BMP7: variants seen among roughly 807,000 people sequenced by gnomAD.
BMP7 encodes the protein osteogenic protein 1.
Under a neutral mutation model 41.2 loss-of-function variants are expected in BMP7, and 12 were observed. The observed-to-expected ratio is 0.29, with a 90% CI of 0.19 to 0.47. The LOEUF is 0.47. BMP7 is among the 20% of genes least tolerant of loss of function. BMP7 has a pLI of 0.99. For synonymous variants in BMP7, 248 were observed against 250.0 expected (o/e 0.99, Z 0.07); for missense variants, 467 against 606.0 (o/e 0.77, Z 2.41).
Position 57,174,782 on chromosome 20 carries a change from T to A in BMP7, c.1035+149A>T, listed in dbSNP as rs1983885496. The A allele has an allele frequency of 7.0e-6, 6 of 861,874 alleles. 1 individual carries two copies. In the South Asian group the frequency reaches 7.2e-5, roughly 10 times the overall value. The allele number at this position is 861,874 out of a possible 1,614,324, so 53.4% of individuals were successfully genotyped here. A position where few individuals can be genotyped will look rare whatever the true frequency, so the allele number is the denominator to read the frequency against. On this transcript the variant is annotated intron_variant, in intron 5 of 6. Coordinates refer to ENST00000395863, the MANE Select transcript of BMP7 (RefSeq NM_001719.3). The surrounding 1 kb of genome is among the most constrained non-coding windows in gnomAD (Gnocchi z 4.3). Reference sequence around the variant, plus strand: ...GATTTCATGAGGCCTCCCTGTATCCTTAGCCCAAGTCCCCTTCCCTAGCGA... The same window carrying A: ...GATTTCATGAGGCCTCCCTGTATCCATAGCCCAAGTCCCCTTCCCTAGCGA...
chr20:57,177,735 G>A (rs1343129999), intron 4 of BMP7: 2 of 152,348 alleles, frequency 1.3e-5, no homozygotes, highest in South Asian at 2.1e-4. Flanking sequence ...CGAATCACAT[G>A]TGTGATTCCT....
intron 1 of BMP7, among the ~76,000 whole-genome samples, chr20:57,237,995 T>C (rs750168024): frequency 1.3e-5 from 2 of 152,222 alleles, no homozygotes; most frequent in African/African-American, 2.4e-5. Flanking sequence ...CTAACCACTT[T>C]TACGTGTACA....
intron 4 of BMP7, among the ~76,000 whole-genome samples, chr20:57,183,332 G>A (rs966402542): frequency 3.9e-5 from 6 of 151,994 alleles, no homozygotes; most frequent in Non-Finnish European, 8.8e-5. Flanking sequence ...ATGAAATAAA[G>A]ATACAGCAAA....
intron 2 of BMP7, among the ~76,000 whole-genome samples, chr20:57,208,866 G>T (rs1036421576): frequency 7.9e-5 from 12 of 152,162 alleles, no homozygotes; most frequent in African/African-American, 2.9e-4. Context: ...TCTATGAAAT[G>T]TCCCAAATAG....
chr20:57,263,839 C>G (rs572241368), intron 1 of BMP7, among the ~76,000 whole-genome samples: 5 of 152,204 alleles, frequency 3.3e-5, no homozygotes, highest in African/African-American at 1.2e-4. Flanking sequence ...GAAGTGCAGA[C>G]GACGAAAAAT....
At chr20:57,257,813 A>G (rs1600647049) in intron 1 of BMP7, among the ~76,000 whole-genome samples, 1 of 143,952 alleles carries the variant, frequency 6.9e-6, no homozygotes. Context: ...GAAGGCCAAA[A>G]CACAAGCCAC....
chr20:57,242,394 C>A (rs1313799585), intron 1 of BMP7, among the ~76,000 whole-genome samples: 1 of 152,202 alleles, frequency 6.6e-6, no homozygotes, highest in African/African-American at 2.4e-5. Flanking sequence ...TGGGGTTTGG[C>A]CTCATCTGAG....
In BMP7 at chr20:57,245,245, G is replaced by A. The variant is rs529823897; in HGVS notation, c.419-16824C>T. The stretch of plus-strand genomic sequence containing the variant: ...TCAAACTTAAATCCCTAAGCTAAAC[G>A]ATCAAAACACCCTTCAAATTGCATG... On this transcript the variant is annotated intron_variant, in intron 1 of 6. Transcript: ENST00000395863. 3.7e-3 allele frequency among the ~76,000 whole-genome samples: 566 copies of A among 152,224 alleles called. 1 individual carries two copies. The highest frequency in any genetic ancestry group is 6.8e-3 in the Middle Eastern group (2 of 294).
intron 3 of BMP7, among the ~76,000 whole-genome samples, chr20:57,194,423 A>G (rs1984445624): frequency 6.6e-6 from 1 of 152,176 alleles, no homozygotes; most frequent in African/African-American, 2.4e-5. Flanking sequence ...CACACTAAAC[A>G]GCAGGCAAAA....
intron 4 of BMP7, among the ~76,000 whole-genome samples, chr20:57,176,761 C>CACACACAA (rs1306276999): frequency 2.3e-5 from 3 of 132,852 alleles, no homozygotes; most frequent in African/African-American, 7.8e-5. Flanking sequence ...CACACACACA[C>CACACACAA]ACACACACAC....
intron 2 of BMP7, among the ~76,000 whole-genome samples, chr20:57,211,338 C>T (rs932566511): frequency 9.9e-5 from 15 of 152,198 alleles, no homozygotes; most frequent in Non-Finnish European, 1.2e-4. Context: ...AGAGGTTACT[C>T]GAAGCACAGA....
rs57893562 is a variant in BMP7 at position 57,221,811 on chromosome 20, C to CA, written c.611+6417dup. Among the ~76,000 whole-genome samples, 518 of 127,336 alleles carry CA rather than the reference C, an allele frequency of 4.1e-3. 4 individuals are homozygous for CA. Among genetic ancestry groups the CA allele is most frequent in the Middle Eastern group, 0.02 (5 of 246 alleles). The allele number at this position is 127,336 out of a possible 152,430, so 83.5% of individuals were successfully genotyped here. ...AGCAACAGAGCAAGACCCTATCTCT[C>CA]AAAAAAAAAAAAAAAAAAAAAAAGA... On this transcript the variant is annotated intron_variant, in intron 2 of 6. Coordinates refer to ENST00000395863, the MANE Select transcript of BMP7 (RefSeq NM_001719.3).
chr20:57,222,817 G>C (rs938086690), intron 2 of BMP7, among the ~76,000 whole-genome samples: 14 of 131,594 alleles, frequency 1.1e-4, no homozygotes, highest in Admixed American at 1.0e-3. Flanking sequence ...TAGCCTTCAG[G>C]AGCAGCAAGA....
At chr20:57,204,611 C>T (rs890052619) in intron 2 of BMP7, among the ~76,000 whole-genome samples, 1 of 152,196 alleles carries the variant, frequency 6.6e-6, no homozygotes, top group Non-Finnish European at 1.5e-5. Context: ...GCTTTTCCCT[C>T]TGGGCCTCTC....
intron 2 of BMP7, among the ~76,000 whole-genome samples, chr20:57,206,038 T>C (rs746908853): frequency 6.6e-6 from 1 of 152,130 alleles, no homozygotes; most frequent in South Asian, 2.1e-4. Flanking sequence ...AAGGAAGGAA[T>C]TACTCAGCAG....
chr20:57,198,594 G>A (rs528621148), intron 3 of BMP7, among the ~76,000 whole-genome samples: 1 of 152,292 alleles, frequency 6.6e-6, no homozygotes, highest in Admixed American at 6.5e-5. Flanking sequence ...GCTCCGCATG[G>A]TGACTCACAG....
At position 57,259,964 on chromosome 20, in the gene BMP7, C is replaced by T. The variant is rs1335229556; in HGVS notation, c.418+5741G>A. ...GTCAGATGCCATTTGCTGCAAAACC[C>T]GGAATTCAATCCCAGCTTGAACACA... On this transcript the variant is annotated intron_variant, in intron 1 of 6. Coordinates refer to ENST00000395863, the MANE Select transcript of BMP7 (RefSeq NM_001719.3). This position sits in a 1 kb window ranked among gnomAD's most constrained non-coding sequence, Gnocchi z 4.7. 1.3e-5 allele frequency among the ~76,000 whole-genome samples: 2 copies of T among 152,096 alleles called. No individual in the cohort carries two copies. Among genetic ancestry groups the T allele is most frequent in the African/African-American group, 2.4e-5 (1 of 41,406 alleles).
chr20:57,228,210 A>C lies in BMP7; in HGVS notation c.611+19T>G, dbSNP rs761268742. On this transcript the variant is annotated intron_variant, in intron 2 of 6. Transcript: ENST00000395863. The surrounding 1 kb of genome is among the most constrained non-coding windows in gnomAD (Gnocchi z 4.5). ...AGAGGAAACTCAGCACCTCTCCCAG[A>C]TACCCGTATAGCACCCACCTGCCCA... is the stretch of plus-strand genomic sequence containing the variant. 6.2e-7 allele frequency: 1 copy of C among 1,611,972 alleles called. No individual in the cohort carries two copies. The highest frequency in any genetic ancestry group is 1.1e-5 in the South Asian group (1 of 90,978).
intron 2 of BMP7, among the ~76,000 whole-genome samples, chr20:57,216,702 A>G (rs1265948583): frequency 6.6e-6 from 1 of 152,160 alleles, no homozygotes; most frequent in Non-Finnish European, 1.5e-5. Flanking sequence ...AGTTCCCCGC[A>G]GAGCTCCCAC....
Sources: allele counts gnomAD v4.1 joint callset (sites outside exome capture counted in the v4.1 genomes callset), GRCh38; gene constraint gnomAD v4.1.1; non-coding constraint Gnocchi (gnomAD v3.1); transcripts MANE v1.5; gene names NCBI Gene and HGNC (gene_info 2026-07-23, HGNC 2026-07-21).